DPF3: variants seen among roughly 807,000 people sequenced by gnomAD.
DPF3 encodes the protein double PHD fingers 3.
Under a neutral mutation model 56.8 loss-of-function variants are expected in DPF3, and 18 were observed. The observed-to-expected ratio is 0.32, with a 90% confidence interval of 0.22 to 0.47. DPF3 has a LOEUF of 0.47. DPF3 is among the 20% of genes least tolerant of loss of function. The pLI is 1.00. For missense variants in DPF3, 403 were observed against 488.8 expected (o/e 0.82, Z 1.65); for synonymous variants, 188 against 180.2 (o/e 1.04, Z -0.35).
intron 9 of DPF3, among the ~76,000 whole-genome samples, chr14:72,621,433 C>A (rs1884438259): frequency 6.6e-6 from 1 of 152,064 alleles, no homozygotes; most frequent in Admixed American, 6.5e-5. Context: ...TATATCAAAT[C>A]TCACCTTGGC....
chr14:72,869,897 AT>A (rs1885828668), intron 1 of DPF3, among the ~76,000 whole-genome samples: 1 of 151,938 alleles, frequency 6.6e-6, no homozygotes, highest in Non-Finnish European at 1.5e-5. Flanking sequence ...CCTAGAGATG[AT>A]GGGGGGTAGG....
chr14:72,834,818 A>G (rs902669485), intron 1 of DPF3, among the ~76,000 whole-genome samples: 1 of 152,244 alleles, frequency 6.6e-6, no homozygotes, highest in African/African-American at 2.4e-5. Context: ...ACAGATGAAT[A>G]GGTAAATCAA....
chr14:72,831,133 C>T (rs1884039553), intron 1 of DPF3, among the ~76,000 whole-genome samples: 1 of 152,080 alleles, frequency 6.6e-6, no homozygotes, highest in African/African-American at 2.4e-5. Flanking sequence ...GATCCTTGAA[C>T]AAAAGGAGCT....
intron 1 of DPF3, among the ~76,000 whole-genome samples, chr14:72,887,092 T>A (rs1000584146): frequency 1.3e-5 from 2 of 151,230 alleles, no homozygotes; most frequent in Non-Finnish European, 2.9e-5. Context: ...AGAGAGATCA[T>A]GGACAAATAA....
chr14:72,658,166 T>G (rs541690552), intron 8 of DPF3, among the ~76,000 whole-genome samples: 31 of 152,328 alleles, frequency 2.0e-4, no homozygotes, highest in Admixed American at 1.9e-3. Context: ...AGATTGTTCA[T>G]AACTCAAGGG....
chr14:72,892,152 G>A, intron 1 of DPF3: 1 of 1,534,788 alleles, frequency 6.5e-7, no homozygotes, highest in Non-Finnish European at 8.7e-7. Context: ...CAAACCTGGT[G>A]CACATGTGAA....
chr14:72,615,240 A>C lies in DPF3; in HGVS notation c.*4057T>G, dbSNP rs1884023122. Among the ~76,000 whole-genome samples, 1 of 152,048 alleles carries C rather than the reference A, an allele frequency of 6.6e-6. No individual in the cohort carries two copies. The highest frequency in any genetic ancestry group is 2.4e-5 in the African/African-American group (1 of 41,400). On this transcript the variant is annotated 3_prime_UTR_variant, in exon 11 of 11. Coordinates refer to ENST00000556509, the MANE Select transcript of DPF3 (RefSeq NM_001280542.3). ...CCCGCCCTGGGCCACGGGCGGCGCA[A>C]CACCCCCTACCTCCTCACACACAGA...
intron 8 of DPF3, among the ~76,000 whole-genome samples, chr14:72,635,648 C>A (rs534453103): frequency 6.6e-6 from 1 of 152,286 alleles, no homozygotes; most frequent in East Asian, 1.9e-4. Context: ...AAAAGCTAAC[C>A]TAAGTCACTT....
At chr14:72,774,520 G>A (rs573663329) in intron 1 of DPF3, among the ~76,000 whole-genome samples, 3 of 152,024 alleles carry the variant, frequency 2.0e-5, no homozygotes, top group East Asian at 1.9e-4. Context: ...AAAAGTCAAC[G>A]GGTCAGGTTC....
intron 5 of DPF3, among the ~76,000 whole-genome samples, chr14:72,718,516 C>T (rs1028691781): frequency 5.3e-5 from 8 of 152,296 alleles, no homozygotes; most frequent in East Asian, 3.9e-4. Context: ...CGACATGACA[C>T]GTGACGATGC....
chr14:72,716,583 G>A lies in DPF3; in HGVS notation c.526-2082C>T, dbSNP rs1281088233. ...TCTGGCATTAGATTATACCTGTGTT[G>A]GTTTACAAGTTGATTTTGTCTCCCC... On this transcript the variant is annotated intron_variant, in intron 5 of 10. Coordinates refer to ENST00000556509, the MANE Select transcript of DPF3 (RefSeq NM_001280542.3). 2.6e-5 allele frequency among the ~76,000 whole-genome samples: 4 copies of A among 152,060 alleles called. No homozygotes were observed. The East Asian group carries it at 5.8e-4, about 22-fold the overall frequency.
intron 1 of DPF3, among the ~76,000 whole-genome samples, chr14:72,861,702 G>C (rs542418594): frequency 4.3e-4 from 54 of 127,020 alleles, no homozygotes; most frequent in Non-Finnish European, 3.3e-5. Context: ...GAAAGAAAGA[G>C]AGAGAGAAAG....
At position 72,609,630 on chromosome 14, in the gene DPF3, C is replaced by A. The variant is rs995946251; in HGVS notation, c.*9667G>T. The stretch of plus-strand genomic sequence containing the variant: ...CTGACACACGTGGGAAGGGCACATC[C>A]CCAGAGGACAGAGGACAAGGGTGGC... On this transcript the variant is annotated 3_prime_UTR_variant, in exon 11 of 11. Coordinates refer to ENST00000556509, the MANE Select transcript of DPF3 (RefSeq NM_001280542.3). Among the ~76,000 whole-genome samples the A allele has an allele frequency of 6.6e-6, 1 of 152,150 alleles. No individual in the cohort carries two copies. Among genetic ancestry groups the A allele is most frequent in the Non-Finnish European group, 1.5e-5 (1 of 68,012 alleles).
intron 6 of DPF3, among the ~76,000 whole-genome samples, chr14:72,703,167 C>T (rs763815374): frequency 6.6e-6 from 1 of 152,180 alleles, no homozygotes; most frequent in African/African-American, 2.4e-5. Context: ...CACCTCCCCC[C>T]ACCCCACCCT....
At chr14:72,799,740 G>C (rs997116057) in intron 1 of DPF3, among the ~76,000 whole-genome samples, 1 of 152,158 alleles carries the variant, frequency 6.6e-6, no homozygotes, top group Non-Finnish European at 1.5e-5. Context: ...GCAAATTAGA[G>C]TCAATCCTGG....
chr14:72,726,569 C>T (rs112288718), intron 4 of DPF3, among the ~76,000 whole-genome samples: 1,850 of 152,238 alleles, frequency 0.012, 27 homozygotes, highest in African/African-American at 0.041. Context: ...GCGATGCGGC[C>T]CTGACACCAG....
chr14:72,687,267 T>C (rs967989319), intron 7 of DPF3, among the ~76,000 whole-genome samples: 4 of 152,182 alleles, frequency 2.6e-5, no homozygotes, highest in Non-Finnish European at 5.9e-5. Context: ...CATCTTCAAT[T>C]CCACAGACTT....
chr14:72,714,011 A>G (rs1698130960), intron 6 of DPF3, among the ~76,000 whole-genome samples: 1 of 152,248 alleles, frequency 6.6e-6, no homozygotes, highest in Non-Finnish European at 1.5e-5. Context: ...GAAACAAATG[A>G]AAAGCCATGG....
At chr14:72,722,186 G>GA (rs1426477798) in intron 5 of DPF3, among the ~76,000 whole-genome samples, 3 of 151,878 alleles carry the variant, frequency 2.0e-5, no homozygotes, top group African/African-American at 4.8e-5. Flanking sequence ...AAATACTCCA[G>GA]AAAAAAAATC....
Sources: allele counts gnomAD v4.1 joint callset (sites outside exome capture counted in the v4.1 genomes callset), GRCh38; gene constraint gnomAD v4.1.1; transcripts MANE v1.5; gene names NCBI Gene and HGNC (gene_info 2026-07-23, HGNC 2026-07-21).